Variants in SLC4A2 observed in about 807,000 individuals in gnomAD.
SLC4A2 encodes the protein anion exchange protein 2.
SLC4A2 carries 36 observed loss-of-function variants against 115.0 expected under a neutral mutation model. The ratio of observed to expected loss-of-function variants is 0.31; its 90% confidence interval spans 0.24 to 0.41. SLC4A2 has a LOEUF of 0.41. Among genes scored for constraint, SLC4A2 ranks in the 10% least tolerant of loss-of-function variants. SLC4A2 has a pLI of 1.00. For synonymous variants in SLC4A2, 708 were observed against 708.3 expected (o/e 1.00, Z 0.01); for missense variants, 1,252 against 1,705.6 (o/e 0.73, Z 4.68).
intron 5 of SLC4A2, 134 bp from the exon 6 acceptor site, chr7:151,066,383 G>A (rs978260394): frequency 2.3e-5 from 25 of 1,074,572 alleles, no homozygotes; most frequent in South Asian, 1.5e-4. Flanking sequence ...CCCCGTGCCC[G>A]CACCTCCCGG....
At chr7:151,066,434 C>G in intron 5 of SLC4A2, 83 bp from the exon 6 acceptor site, 1 of 1,425,290 alleles carries the variant, frequency 7.0e-7, no homozygotes, top group South Asian at 1.5e-5. Context: ...TGTGGGTCCC[C>G]TCCCTGGCTA....
In SLC4A2 at chr7:151,064,351, G is replaced by C. The variant is rs1386664853; in HGVS notation, c.201G>C (p.Gly67=). The C allele has an allele frequency of 6.2e-7, 1 of 1,609,084 alleles. No individual in the cohort carries two copies. The highest frequency in any genetic ancestry group is 8.5e-7 in the Non-Finnish European group (1 of 1,178,432). ...GGGAGGAGCCAGGCCGCAGCTATGG[G>C]GAGGAAGACTTTGAGTGTGAGGGGG... The part of the protein sequence containing the change: ...RGGEEPGRSY[G]EEDFEYHRQS... Residue 67 remains glycine (G), a synonymous_variant, in exon 3 of 23, where the codon GGG becomes GGC. Transcript: ENST00000413384.
chr7:151,070,276 A>C lies in SLC4A2; in HGVS notation c.1379A>C (p.Glu460Ala). ...LLGHHHGQGAESDPHVTEPLM... is the reference protein window; with the variant it reads ...LLGHHHGQGAASDPHVTEPLM... The stretch of plus-strand genomic sequence containing the variant: ...GGGCATCACCATGGTCAGGGGGCTG[A>C]GAGTGACCCCCACGTCACCGAGCCT... Residue 460 changes from glutamate (E) to alanine (A), a missense_variant, in exon 10 of 23, where the codon GAG (glutamate) becomes GCG (alanine). By Grantham distance (107) the Glu-to-Ala change is moderately radical. This residue lies in a region of SLC4A2 where 142 missense variants were observed against 153.5 expected (regional missense o/e 0.93). Coordinates refer to ENST00000413384, the MANE Select transcript of SLC4A2 (RefSeq NM_003040.4). The C allele has an allele frequency of 1.2e-6, 2 of 1,613,902 alleles. No homozygotes were observed. Among genetic ancestry groups the C allele is most frequent in the South Asian group, 2.2e-5 (2 of 91,060 alleles).
rs751605739 is a variant in SLC4A2, at chr7:151,075,640, G to A, written c.3336G>A (p.Gln1112=). ...TAGTTATCGGGGATCTGCTCCGGCA[G>A]ATCCCCCTGGCCGTGCTCTTTGGAA... ...LSIVIGDLLR[Q]IPLAVLFGIF... Residue 1112 remains glutamine, a synonymous_variant, in exon 21 of 23, where the codon CAG becomes CAA. Coordinates refer to ENST00000413384, the MANE Select transcript of SLC4A2 (RefSeq NM_003040.4). The A allele has an allele frequency of 6.2e-7, 1 of 1,602,352 alleles. No homozygotes were observed. The highest frequency in any genetic ancestry group is 8.5e-7 in the Non-Finnish European group (1 of 1,176,268).
chr7:151,069,353 G>T (rs960357411), intron 8 of SLC4A2, among the ~76,000 whole-genome samples: 2 of 152,066 alleles, frequency 1.3e-5, no homozygotes, highest in African/African-American at 4.8e-5. Context: ...CTGAAAGTTG[G>T]CCTTGCCAGA....
At chr7:151,066,794 G>A (rs776217774) in intron 6 of SLC4A2, 33 bp downstream of exon 6, 1 of 1,588,716 alleles carries the variant, frequency 6.3e-7, no homozygotes, top group East Asian at 2.3e-5. Context: ...GCCCGGCACT[G>A]GTGGGCAAAG....
chr7:151,070,441 T>G lies in SLC4A2; in HGVS notation c.1450-16T>G. 2 of 1,611,432 alleles carry G rather than the reference T, an allele frequency of 1.2e-6. No individual in the cohort carries two copies. The highest frequency in any genetic ancestry group is 1.7e-6 in the Non-Finnish European group (2 of 1,178,942). Reference sequence around the variant, plus strand: ...GGAGGGGCCTGGCTGGGCTGAGCCCTGTCTGTGTCCCCCAGCGTGAGCTGC... The same window carrying G: ...GGAGGGGCCTGGCTGGGCTGAGCCCGGTCTGTGTCCCCCAGCGTGAGCTGC... On this transcript the variant is annotated splice_polypyrimidine_tract_variant and intron_variant, in intron 10 of 22. Coordinates refer to ENST00000413384, the MANE Select transcript of SLC4A2 (RefSeq NM_003040.4).
rs557281934 is a variant in SLC4A2 at position 151,060,480 on chromosome 7, G to A, written c.-64+718G>A. On this transcript the variant is annotated intron_variant, in intron 1 of 22. Transcript: ENST00000413384. The surrounding 1 kb of genome is among the most constrained non-coding windows in gnomAD (Gnocchi z 5.9). ...CGAGGTGCTAATCCCTTGGTCAAGG[G>A]GAGAGATACTAATCCTCTGGGCCGG... 3.3e-5 allele frequency among the ~76,000 whole-genome samples: 5 copies of A among 152,346 alleles called. No homozygotes were observed. The highest frequency in any genetic ancestry group is 6.5e-5 in the Admixed American group (1 of 15,308).
rs1044448402 is a variant in SLC4A2, at chr7:151,061,918, C to G, written c.-63-7C>G. On this transcript the variant is annotated splice_polypyrimidine_tract_variant and splice_region_variant and intron_variant, in intron 1 of 22. Transcript: ENST00000413384. ...CTCGATGGTGATCAGGCCTCTCCCC[C>G]ATCCAGGTTATGCCTCCGCCTCGTT... The G allele has an allele frequency of 4.2e-6, 6 of 1,422,388 alleles. No individual in the cohort carries two copies. The highest frequency in any genetic ancestry group is 1.7e-4 in the Middle Eastern group (1 of 5,756). The allele number at this position is 1,422,388 out of a possible 1,614,324, so 88.1% of individuals were successfully genotyped here.
At chr7:151,070,106 G>T (rs1797379698) in intron 9 of SLC4A2, 24 bp downstream of exon 9, 5 of 1,613,902 alleles carry the variant, frequency 3.1e-6, no homozygotes, top group Non-Finnish European at 4.2e-6. Flanking sequence ...GGCCAGTTGG[G>T]GATGACACTT....
rs1157562323 is a variant in SLC4A2 at position 151,064,687 on chromosome 7, G to A, written c.379G>A (p.Asp127Asn). 1 of 1,613,806 alleles carries A rather than the reference G, an allele frequency of 6.2e-7. No homozygotes were observed. Among genetic ancestry groups the A allele is most frequent in the Non-Finnish European group, 8.5e-7 (1 of 1,179,854 alleles). Residue 127 changes from aspartate to asparagine, a missense_variant, in exon 4 of 23, where the codon GAT becomes AAT. Asp to Asn is a conservative substitution (Grantham distance 23). Coordinates refer to ENST00000413384, the MANE Select transcript of SLC4A2 (RefSeq NM_003040.4). ...ETPTIEEGEE[D>N]EDEASEAEGA... ...CCCGACCATTGAGGAGGGGGAGGAA[G>A]ATGAGGATGAGGCCAGCGAGGCTGA...
Position 151,070,780 on chromosome 7 carries a change from G to A in SLC4A2, c.1618G>A (p.Ala540Thr). 1 of 1,614,038 alleles carries A rather than the reference G, an allele frequency of 6.2e-7. No homozygotes were observed. The highest frequency in any genetic ancestry group is 8.5e-7 in the Non-Finnish European group (1 of 1,180,016). Residue 540 changes from alanine to threonine, a missense_variant, in exon 12 of 23, where the codon GCT becomes ACT. Ala to Thr is a moderately conservative substitution (Grantham distance 58). Transcript: ENST00000413384. ...CATGGCCTTTGTGCGGCTCCGGGAG[G>A]CTGTGGAGTTGGACGCAGTGTTGGA... ...PTMAFVRLREAVELDAVLEVP... is the reference protein window; with the variant it reads ...PTMAFVRLRETVELDAVLEVP...
chr7:151,059,232 A>T (rs1796969057), upstream of SLC4A2: 1 of 151,308 alleles, frequency 6.6e-6, no homozygotes, highest in African/African-American at 2.4e-5. The surrounding 1 kb of genome is among the most constrained non-coding windows in gnomAD (Gnocchi z 5.8). Flanking sequence ...CTTCTCACCC[A>T]CTCGCCACCC....
rs558761976 is a variant in SLC4A2, at chr7:151,064,678, G to A, written c.370G>A (p.Gly124Arg). 5.0e-5 allele frequency: 81 copies of A among 1,613,836 alleles called. 1 individual carries two copies. The South Asian group carries it at 7.9e-4, about 16-fold the overall frequency. Residue 124 changes from glycine to arginine, a missense_variant, in exon 4 of 23, where the codon GGG (glycine) becomes AGG (arginine). Gly to Arg is a moderately radical substitution (Grantham distance 125). This residue lies in a region of SLC4A2 where 215 missense variants were observed against 205.2 expected (regional missense o/e 1.05). Transcript: ENST00000413384. ...TGGAGAAACCCCGACCATTGAGGAG[G>A]GGGAGGAAGATGAGGATGAGGCCAG... Reference protein sequence around the residue: ...PTGETPTIEEGEEDEDEASEA... With the variant: ...PTGETPTIEEREEDEDEASEA...
intron 5 of SLC4A2, among the ~76,000 whole-genome samples, chr7:151,065,267 C>T (rs1020175237): frequency 4.6e-5 from 7 of 152,186 alleles, no homozygotes; most frequent in Admixed American, 1.3e-4. Context: ...CTGCCTCCCA[C>T]CCCTGCCCGT....
At position 151,071,601 on chromosome 7, in the gene SLC4A2, G is replaced by A; in HGVS notation, c.2187G>A (p.Leu729=). 1.2e-6 allele frequency: 2 copies of A among 1,613,884 alleles called. No individual in the cohort carries two copies. The highest frequency in any genetic ancestry group is 8.5e-7 in the Non-Finnish European group (1 of 1,179,982). ...CTCCTGCCATCACCTTTGGGGGGCT[G>A]CTGGGTGAGGAGAGCCTTCAGGTAG... The part of the protein sequence containing the change: ...ALSPAITFGG[L]LGEKTQDLIG... The change falls in exon 14 of 23, where the codon CTG becomes CTA. Residue 729 remains leucine (L), a synonymous_variant. Coordinates refer to ENST00000413384, the MANE Select transcript of SLC4A2 (RefSeq NM_003040.4). This position sits in a 1 kb window ranked among gnomAD's most constrained non-coding sequence, Gnocchi z 5.5.
At position 151,070,482 on chromosome 7, in the gene SLC4A2, C is replaced by T; in HGVS notation, c.1475C>T (p.Pro492Leu). The T allele has an allele frequency of 6.2e-7, 1 of 1,613,426 alleles. No individual in the cohort carries two copies. ...RERELPPPAPPAGITRSKSKH... is the reference protein window; with the variant it reads ...RERELPPPAPLAGITRSKSKH... ...CGTGAGCTGCCGCCTCCAGCACCACCAGCTGGCATCACCCGCTCCAAGTCC... is the reference window on the plus strand; with the variant it reads ...CGTGAGCTGCCGCCTCCAGCACCACTAGCTGGCATCACCCGCTCCAAGTCC... Residue 492 changes from proline to leucine, a missense_variant, in exon 11 of 23, where the codon CCA (proline) becomes CTA (leucine). By Grantham distance (98) the Pro-to-Leu change is moderately conservative (BLOSUM62 -3). Coordinates refer to ENST00000413384, the MANE Select transcript of SLC4A2 (RefSeq NM_003040.4).
chr7:151,069,140 C>CAAAAAAAAAAAAAAA lies in SLC4A2; in HGVS notation c.1148-802_1148-788dup, dbSNP rs397978007. ...AACGACAGAGCGAGACTCTTATCAC[C>CAAAAAAAAAAAAAAA]AAAAAAAAAAAAAAAAAAAGCAGCT... is the stretch of plus-strand genomic sequence containing the variant. On this transcript the variant is annotated intron_variant, in intron 8 of 22. Coordinates refer to ENST00000413384, the MANE Select transcript of SLC4A2 (RefSeq NM_003040.4). 2.6e-3 allele frequency among the ~76,000 whole-genome samples: 107 copies of CAAAAAAAAAAAAAAA among 40,910 alleles called. 27 individuals carry two copies. The highest frequency in any genetic ancestry group is 0.022 in the East Asian group (18 of 818). 26.8% of individuals were successfully genotyped at this position (40,910 alleles called of 152,430 possible).
intron 19 of SLC4A2, 134 bp downstream of exon 19, chr7:151,074,975 T>C: frequency 2.0e-6 from 2 of 979,662 alleles, no homozygotes; most frequent in Non-Finnish European, 3.0e-6. Flanking sequence ...ATGGCCACAG[T>C]TTATTCTGTA....
Sources: gnomAD v4.1 joint callset for allele counts (sites outside exome capture counted in the v4.1 genomes callset) on GRCh38, gnomAD v4.1.1 for gene constraint, gnomAD v4.1.1 regional missense constraint, Gnocchi (gnomAD v3.1) non-coding constraint, MANE v1.5 for transcripts, NCBI Gene and HGNC (gene_info 2026-07-23, HGNC 2026-07-21) for gene names.